AGPS: variants seen among roughly 807,000 people sequenced by gnomAD.
AGPS encodes alkyldihydroxyacetonephosphate synthase, peroxisomal.
In AGPS, 26 loss-of-function variants were observed where a neutral mutation model predicts 90.7. The ratio of observed to expected loss-of-function variants is 0.29; its 90% confidence interval spans 0.21 to 0.40. The LOEUF is 0.40. Ranked by LOEUF, AGPS falls within the 10% of genes least tolerant of loss-of-function variation. AGPS has a pLI of 1.00. For missense variants in AGPS, 540 were observed against 816.1 expected, an observed-to-expected ratio of 0.66 and a Z score of 4.12; for synonymous variants, 294 against 285.3, an observed-to-expected ratio of 1.03 and a Z score of -0.31.
intron 1 of AGPS, among the ~76,000 whole-genome samples, chr2:177,412,606 A>G (rs1322146866): frequency 6.6e-6 from 1 of 152,160 alleles, no homozygotes; most frequent in Non-Finnish European, 1.5e-5. Context: ...AAGTAGTCCA[A>G]TATTACTCAC....
chr2:177,449,907 G>A (rs1230092584), intron 8 of AGPS, among the ~76,000 whole-genome samples: 7 of 150,690 alleles, frequency 4.6e-5, no homozygotes, highest in East Asian at 2.0e-4. Context: ...GTGTGATCTC[G>A]GCTCACTGCA....
chr2:177,437,608 T>C (rs1043464015), intron 5 of AGPS, among the ~76,000 whole-genome samples: 5 of 152,198 alleles, frequency 3.3e-5, no homozygotes, highest in African/African-American at 9.6e-5. Context: ...ACTATATTTA[T>C]AAATCTGAAG....
chr2:177,414,052 T>C (rs1685715205), intron 1 of AGPS, among the ~76,000 whole-genome samples: 1 of 152,130 alleles, frequency 6.6e-6, no homozygotes, highest in Non-Finnish European at 1.5e-5. Context: ...TTTGCCCTTC[T>C]TGCCCCCCGC....
chr2:177,514,405 T>C (rs754304559), intron 17 of AGPS, among the ~76,000 whole-genome samples: 1 of 152,150 alleles, frequency 6.6e-6, no homozygotes, highest in Non-Finnish European at 1.5e-5. Context: ...GAAAAAACTG[T>C]TAGGTTCTGC....
chr2:177,475,473 C>T (rs1010294010), intron 10 of AGPS, among the ~76,000 whole-genome samples: 1 of 152,200 alleles, frequency 6.6e-6, no homozygotes, highest in Non-Finnish European at 1.5e-5. Flanking sequence ...CCCCAGCAAT[C>T]CTGCCCCAAG....
intron 1 of AGPS, among the ~76,000 whole-genome samples, chr2:177,412,522 A>G (rs1685649942): frequency 6.6e-6 from 1 of 152,166 alleles, no homozygotes; most frequent in Non-Finnish European, 1.5e-5. Context: ...TCTGGCAGCC[A>G]CGCTAATCGT....
At chr2:177,533,723 G>T (rs1478135442) in intron 19 of AGPS, among the ~76,000 whole-genome samples, 1 of 152,156 alleles carries the variant, frequency 6.6e-6, no homozygotes, top group Non-Finnish European at 1.5e-5. Context: ...GAAGAGGTTG[G>T]TTGTCCCCTC....
intron 8 of AGPS, among the ~76,000 whole-genome samples, chr2:177,458,623 T>A (rs1322822540): frequency 6.6e-6 from 1 of 152,166 alleles, no homozygotes; most frequent in Non-Finnish European, 1.5e-5. Flanking sequence ...ACAAGGGATG[T>A]GAAGGACCTC....
At chr2:177,471,594 A>G (rs1251967883) in intron 10 of AGPS, among the ~76,000 whole-genome samples, 3 of 152,142 alleles carry the variant, frequency 2.0e-5, no homozygotes, top group African/African-American at 7.2e-5. Flanking sequence ...TTTTTAACCC[A>G]TGACTCACCC....
In AGPS at chr2:177,517,713, T is replaced by C. The variant is rs543377732; in HGVS notation, c.1698-3556T>C. ...TAGTATTGTACAAATATTTCCTGTG[T>C]ACCCTTTACTCATCTTCCTCAAATG... On this transcript the variant is annotated intron_variant, in intron 17 of 19. Coordinates refer to ENST00000264167, the MANE Select transcript of AGPS (RefSeq NM_003659.4). Among the ~76,000 whole-genome samples the C allele has an allele frequency of 3.9e-5, 6 of 152,338 alleles. No homozygotes were observed. In the East Asian group the frequency reaches 1.2e-3, roughly 29 times the overall value.
intron 9 of AGPS, among the ~76,000 whole-genome samples, chr2:177,467,722 CTG>C (rs1263597893): frequency 6.6e-6 from 1 of 152,130 alleles, no homozygotes; most frequent in African/African-American, 2.4e-5. Flanking sequence ...AATAAATAGA[CTG>C]TTGTTATTTA....
At chr2:177,455,400 C>G (rs1687082558) in intron 8 of AGPS, among the ~76,000 whole-genome samples, 1 of 152,096 alleles carries the variant, frequency 6.6e-6, no homozygotes, top group African/African-American at 2.4e-5. Context: ...CCTGTGTTTA[C>G]TTTCTCATAG....
At chr2:177,458,141 C>T (rs1462137687) in intron 8 of AGPS, among the ~76,000 whole-genome samples, 3 of 152,144 alleles carry the variant, frequency 2.0e-5, no homozygotes, top group Non-Finnish European at 2.9e-5. Context: ...ATTCAACACC[C>T]CTTCATGCTA....
At chr2:177,434,730 G>A (rs1226476398) in intron 3 of AGPS, among the ~76,000 whole-genome samples, 1 of 151,992 alleles carries the variant, frequency 6.6e-6, no homozygotes, top group South Asian at 2.1e-4. Context: ...GTGAAGTGCA[G>A]ATTATTTACT....
At chr2:177,522,960 T>C (rs1351116665) in intron 18 of AGPS, among the ~76,000 whole-genome samples, 1 of 152,244 alleles carries the variant, frequency 6.6e-6, no homozygotes. Flanking sequence ...TCTGTCATCC[T>C]TTTTTACAGT....
chr2:177,500,069 T>C (rs1326528484), intron 14 of AGPS, among the ~76,000 whole-genome samples: 2 of 151,968 alleles, frequency 1.3e-5, no homozygotes, highest in East Asian at 3.8e-4. Flanking sequence ...AGAAAATTCA[T>C]TGTCCTCTTA....
chr2:177,538,492 T>G lies in AGPS; in HGVS notation c.*297T>G, dbSNP rs2079203532. On this transcript the variant is annotated 3_prime_UTR_variant, in exon 20 of 20. Transcript: ENST00000264167. ...TTCCAGAGGAAGCTGCTGCCAGCTG[T>G]TTTGTATTGTTGCTTCCTCTTGGGG... 1 of 388,884 alleles carries G rather than the reference T, an allele frequency of 2.6e-6. No homozygotes were observed. The highest frequency in any genetic ancestry group is 2.1e-5 in the African/African-American group (1 of 48,426). 24.1% of individuals were successfully genotyped at this position (388,884 alleles called of 1,614,324 possible). A position where few individuals can be genotyped will look rare whatever the true frequency, so the allele number is the denominator to read the frequency against.
At chr2:177,476,716 C>T (rs926207960) in intron 10 of AGPS, among the ~76,000 whole-genome samples, 2 of 152,076 alleles carry the variant, frequency 1.3e-5, no homozygotes, top group East Asian at 3.8e-4. Flanking sequence ...CCTTCTTGGT[C>T]TTGTGCCTAG....
chr2:177,442,828 C>CAAAAAAAAAAAAAAA (rs71007994), intron 7 of AGPS, among the ~76,000 whole-genome samples: 1 of 99,410 alleles, frequency 1.0e-5, no homozygotes. Context: ...GCCTGGGTGA[C>CAAAAAAAAAAAAAAA]AAAAAAAAAA....
Sources: gnomAD v4.1 joint callset for allele counts (sites outside exome capture counted in the v4.1 genomes callset) on GRCh38, gnomAD v4.1.1 for gene constraint, MANE v1.5 for transcripts, NCBI Gene and HGNC (gene_info 2026-07-23, HGNC 2026-07-21) for gene names.